The following LRRC8D variants were observed in gnomAD, a reference collection of about 807,000 sequenced individuals.
LRRC8D encodes the protein volume-regulated anion channel subunit LRRC8D.
LRRC8D carries 20 observed loss-of-function variants against 55.8 expected under a neutral mutation model. The observed-to-expected ratio is 0.36, with a 90% CI of 0.25 to 0.52. LRRC8D has a LOEUF of 0.52. Ranked by LOEUF, LRRC8D falls within the 20% of genes least tolerant of loss-of-function variation. The pLI, the probability that LRRC8D is intolerant of heterozygous loss-of-function variation, is 0.93. For missense variants in LRRC8D, 651 were observed against 1,030.8 expected, an observed-to-expected ratio of 0.63 and a Z score of 5.05; for synonymous variants, 352 against 377.0, an observed-to-expected ratio of 0.93 and a Z score of 0.77.
rs1293812143 is a variant in LRRC8D at position 89,911,099 on chromosome 1, G to A, written c.-2-21968G>A. On this transcript the variant is annotated intron_variant, in intron 2 of 2. Coordinates refer to ENST00000337338, the MANE Select transcript of LRRC8D (RefSeq NM_001134479.2). This position sits in a 1 kb window ranked among gnomAD's most constrained non-coding sequence, Gnocchi z 4.0. Reference sequence around the variant, plus strand: ...CTTGACCTTCCCAGGGAGTTTCAGCGGGTGAGAAAGCCTGACACTGCTTGG... The same window carrying A: ...CTTGACCTTCCCAGGGAGTTTCAGCAGGTGAGAAAGCCTGACACTGCTTGG... Among the ~76,000 whole-genome samples, 2 of 151,934 alleles carry A rather than the reference G, an allele frequency of 1.3e-5. No homozygotes were observed. Among genetic ancestry groups the A allele is most frequent in the East Asian group, 1.9e-4 (1 of 5,186 alleles).
chr1:89,827,558 T>C (rs187827807), intron 1 of LRRC8D, among the ~76,000 whole-genome samples: 240 of 152,310 alleles, frequency 1.6e-3, no homozygotes, highest in Non-Finnish European at 2.6e-3. Context: ...CATCTGTTTC[T>C]TTGATAAAAA....
intron 2 of LRRC8D, among the ~76,000 whole-genome samples, chr1:89,902,421 C>A (rs1347157454): frequency 6.6e-6 from 1 of 152,216 alleles, no homozygotes; most frequent in Admixed American, 6.5e-5. Context: ...CTCTTCTGAA[C>A]TGACTTTTGT....
chr1:89,884,646 G>A (rs1050378505), intron 2 of LRRC8D, among the ~76,000 whole-genome samples: 1 of 152,190 alleles, frequency 6.6e-6, no homozygotes, highest in Admixed American at 6.5e-5. Flanking sequence ...GTGACCTTTA[G>A]CAAGCTGTTT....
intron 2 of LRRC8D, among the ~76,000 whole-genome samples, chr1:89,879,676 G>A (rs1464203301): frequency 2.0e-5 from 3 of 152,098 alleles, no homozygotes; most frequent in African/African-American, 7.2e-5. Flanking sequence ...TTGTTCTAAT[G>A]ATGCATGTTG....
intron 1 of LRRC8D, among the ~76,000 whole-genome samples, chr1:89,821,636 A>G (rs866540918): frequency 3.9e-5 from 6 of 152,082 alleles, no homozygotes; most frequent in Non-Finnish European, 2.9e-5. Flanking sequence ...CCTCCGCCCT[A>G]TCGGAAAGGC....
Position 89,933,507 on chromosome 1 carries a change from G to A in LRRC8D, c.439G>A (p.Val147Ile), listed in dbSNP as rs955433703. 8.1e-6 allele frequency: 13 copies of A among 1,613,988 alleles called. No individual in the cohort carries two copies. Among genetic ancestry groups the A allele is most frequent in the Non-Finnish European group, 1.1e-5 (13 of 1,180,012 alleles). The change falls in exon 3 of 3, where the codon GTA becomes ATA. Residue 147 changes from valine to isoleucine, a missense_variant. Physicochemically the swap from Val to Ile is conservative, Grantham distance 29 (BLOSUM62 3). Around this residue, in one of 5 missense-constraint regions of LRRC8D, gnomAD observed 178 missense variants for 374.9 expected, o/e 0.47. Transcript: ENST00000337338. The surrounding 1 kb of genome is among the most constrained non-coding windows in gnomAD (Gnocchi z 7.0). ...AACAAACTTGGATTTTCAGCAATAT[G>A]TATTTATTAATCAAATGTGTTACCA... ...RKTNLDFQQY[V>I]FINQMCYHLA...
chr1:89,829,913 C>T (rs779697799), intron 1 of LRRC8D, among the ~76,000 whole-genome samples: 6 of 152,208 alleles, frequency 3.9e-5, no homozygotes, highest in Non-Finnish European at 7.3e-5. Flanking sequence ...GCACCCTCCT[C>T]CTAGTTAGAT....
At chr1:89,871,364 A>G (rs1040012944) in intron 2 of LRRC8D, among the ~76,000 whole-genome samples, 1 of 152,230 alleles carries the variant, frequency 6.6e-6, no homozygotes, top group South Asian at 2.1e-4. Context: ...CTCATTAATG[A>G]TTAATTGAAA....
At chr1:89,920,444 T>G (rs1457971649) in intron 2 of LRRC8D, among the ~76,000 whole-genome samples, 1 of 152,054 alleles carries the variant, frequency 6.6e-6, no homozygotes, top group Non-Finnish European at 1.5e-5. Flanking sequence ...ATATAAGGAG[T>G]GTTTTTTTAA....
intron 2 of LRRC8D, among the ~76,000 whole-genome samples, chr1:89,909,860 C>T (rs936411751): frequency 7.2e-6 from 1 of 139,766 alleles, no homozygotes; most frequent in Non-Finnish European, 1.6e-5. Context: ...AGCAAGACTC[C>T]GTCTCAAAAA....
At chr1:89,923,872 C>G (rs1411923575) in intron 2 of LRRC8D, among the ~76,000 whole-genome samples, 1 of 152,160 alleles carries the variant, frequency 6.6e-6, no homozygotes, top group Non-Finnish European at 1.5e-5. Flanking sequence ...AACTGGCTAG[C>G]CTTATGCAGA....
chr1:89,836,177 T>C (rs1055462065), intron 1 of LRRC8D, among the ~76,000 whole-genome samples: 3 of 152,096 alleles, frequency 2.0e-5, no homozygotes, highest in African/African-American at 7.2e-5. Flanking sequence ...TATAGGTCAT[T>C]TTTTTTTCAA....
intron 2 of LRRC8D, among the ~76,000 whole-genome samples, chr1:89,930,280 C>G (rs1570898956): frequency 6.6e-6 from 1 of 152,130 alleles, no homozygotes; most frequent in East Asian, 1.9e-4. Context: ...CTGCAACCTC[C>G]TCCTCCTGGG....
At chr1:89,879,311 A>C (rs1662222253) in intron 2 of LRRC8D, among the ~76,000 whole-genome samples, 1 of 152,186 alleles carries the variant, frequency 6.6e-6, no homozygotes, top group Admixed American at 6.5e-5. Flanking sequence ...GGGGGTATAA[A>C]CCTTATTAAT....
chr1:89,915,016 CTGTGTGTG>C (rs56870719), intron 2 of LRRC8D, among the ~76,000 whole-genome samples: 3 of 144,752 alleles, frequency 2.1e-5, no homozygotes, highest in Non-Finnish European at 3.0e-5. Flanking sequence ...TCTTGCTCTA[CTGTGTGTG>C]TGTGTGTGTG....
chr1:89,917,470 A>G (rs1034612531), intron 2 of LRRC8D, among the ~76,000 whole-genome samples: 2 of 152,166 alleles, frequency 1.3e-5, no homozygotes, highest in Admixed American at 6.5e-5. Context: ...TCTAAGCATC[A>G]TCTCACACTG....
intron 2 of LRRC8D, among the ~76,000 whole-genome samples, chr1:89,863,635 G>GTGATAT (rs1661772982): frequency 6.7e-6 from 1 of 149,858 alleles, no homozygotes; most frequent in South Asian, 2.1e-4. Context: ...TTCCTTTCAT[G>GTGATAT]TGATATTTTC....
intron 1 of LRRC8D, among the ~76,000 whole-genome samples, chr1:89,837,318 C>G (rs1478434615): frequency 6.6e-6 from 1 of 152,152 alleles, no homozygotes; most frequent in Admixed American, 6.5e-5. Flanking sequence ...GCCTAGTGCC[C>G]CTAGACAAGT....
intron 2 of LRRC8D, among the ~76,000 whole-genome samples, chr1:89,915,249 T>A (rs1030216010): frequency 2.0e-5 from 3 of 152,182 alleles, no homozygotes; most frequent in African/African-American, 7.2e-5. Context: ...GATTAATGAT[T>A]GGTCACCTCA....
Sources: allele counts gnomAD v4.1 joint callset (sites outside exome capture counted in the v4.1 genomes callset), GRCh38; gene constraint gnomAD v4.1.1; regional missense constraint gnomAD v4.1.1; non-coding constraint Gnocchi (gnomAD v3.1); transcripts MANE v1.5; gene names NCBI Gene and HGNC (gene_info 2026-07-23, HGNC 2026-07-21).